IFT46: variants seen among roughly 807,000 people sequenced by gnomAD.
The protein encoded by IFT46 is intraflagellar transport protein 46 homolog.
IFT46 carries 19 observed loss-of-function variants against 39.6 expected under a neutral mutation model. The ratio of observed to expected loss-of-function variants is 0.48; its 90% CI spans 0.33 to 0.70. The LOEUF (loss-of-function observed/expected upper bound fraction) is 0.70. Ranked by LOEUF, IFT46 falls within the 30% of genes least tolerant of loss-of-function variation. IFT46 has a pLI of 0.01. For missense variants in IFT46, 334 were observed against 364.8 expected (o/e 0.92, Z 0.69); for synonymous variants, 117 against 134.8 (o/e 0.87, Z 0.91).
Position 118,554,451 on chromosome 11 carries a change from T to G in IFT46, c.483+8A>C. On this transcript the variant is annotated splice_region_variant and intron_variant, in intron 7 of 11. Coordinates refer to ENST00000264021, the MANE Select transcript of IFT46 (RefSeq NM_001168618.2). ...CCAGCTGGGGCCTATACTAAGCTAG[T>G]ATCTTACTGTGATGTTGTGCTGCTT... 6.2e-7 allele frequency: 1 copy of G among 1,600,236 alleles called. No homozygotes were observed. Among genetic ancestry groups the G allele is most frequent in the Non-Finnish European group, 8.5e-7 (1 of 1,175,288 alleles).
chr11:118,554,985 T>G lies in IFT46; in HGVS notation c.354+5A>C, dbSNP rs782775929. 1 of 1,594,450 alleles carries G rather than the reference T, an allele frequency of 6.3e-7. No homozygotes were observed. On this transcript the variant is annotated splice_donor_5th_base_variant and intron_variant, in intron 6 of 11. Transcript: ENST00000264021. ...GGAGTCATTTTCAGGATGTACTGAC[T>G]ATACCTTTAAGAATGCATCAATATC...
chr11:118,561,043 T>C (rs1938039943), intron 2 of IFT46: 1 of 1,529,134 alleles, frequency 6.5e-7, no homozygotes, highest in Non-Finnish European at 8.9e-7. Context: ...ACAAGATCTA[T>C]GAAGGCCAAG....
chr11:118,552,378 G>C (rs1937673051), intron 7 of IFT46, 43 bp from the exon 8 acceptor site: 1 of 1,607,358 alleles, frequency 6.2e-7, no homozygotes, highest in East Asian at 2.2e-5. Flanking sequence ...CACTGAAGTA[G>C]CTCTCTTGTT....
chr11:118,545,366 G>T, intron 11 of IFT46, 43 bp downstream of exon 11: 1 of 1,364,854 alleles, frequency 7.3e-7, no homozygotes, highest in Non-Finnish European at 1.0e-6. Flanking sequence ...AAACTATAGT[G>T]ATCCTCTCTA....
At chr11:118,569,563 G>A (rs1161395865), upstream of IFT46, among the ~76,000 whole-genome samples, 1 of 152,084 alleles carries the variant, frequency 6.6e-6, no homozygotes, top group Non-Finnish European at 1.5e-5. Flanking sequence ...GAATTGATAC[G>A]GGTAAGAGCA....
chr11:118,552,395 G>A, intron 7 of IFT46, 60 bp from the exon 8 acceptor site: 1 of 1,592,584 alleles, frequency 6.3e-7, no homozygotes, highest in Non-Finnish European at 8.6e-7. Context: ...TGTTTTTACA[G>A]TGTCTCATTA....
At chr11:118,552,078 A>C (rs1442979057) in intron 8 of IFT46, 136 bp downstream of exon 8, 2 of 1,097,220 alleles carry the variant, frequency 1.8e-6, no homozygotes, top group Non-Finnish European at 2.7e-6. Flanking sequence ...AATCTCAGCC[A>C]GTAGTTGCCA....
At position 118,572,452 on chromosome 11, in the gene IFT46, C is replaced by A; in HGVS notation, c.-133+144G>T. On this transcript the variant is annotated intron_variant, in intron 1 of 5. Coordinates refer to the IFT46 transcript ENST00000528378. ...GCGGCAGCGGTTCCTGTCAAGGGGGCAGCAGGTCCAGAGCTGCTGGTGCTC... is the reference window on the plus strand; with the variant it reads ...GCGGCAGCGGTTCCTGTCAAGGGGGAAGCAGGTCCAGAGCTGCTGGTGCTC... The A allele has an allele frequency of 2.3e-6, 3 of 1,318,530 alleles. No homozygotes were observed. The Admixed American group carries it at 6.6e-5, about 29-fold the overall frequency. 81.7% of individuals were successfully genotyped at this position (1,318,530 alleles called of 1,614,324 possible). A position where few individuals can be genotyped will look rare whatever the true frequency, so the allele number is the denominator to read the frequency against.
exon 1 of IFT46, chr11:118,572,640 C>G (rs1555072663): frequency 8.5e-6 from 13 of 1,527,450 alleles, no homozygotes; most frequent in African/African-American, 1.4e-5. Context: ...CGGAGGAGCC[C>G]CGCCCTGAGG....
In IFT46 at chr11:118,565,015, T is replaced by C. The variant is rs1938178899; in HGVS notation, c.-86A>G. ...AATACTTGCAACCTCTTCGGAGTCG[T>C]TAATCTCTAGACGCTCATCATATGT... On this transcript the variant is annotated 5_prime_UTR_variant, in exon 2 of 12. Coordinates refer to ENST00000264021, the MANE Select transcript of IFT46 (RefSeq NM_001168618.2). The C allele has an allele frequency of 6.6e-6, 1 of 152,648 alleles. No homozygotes were observed. The highest frequency in any genetic ancestry group is 2.4e-5 in the African/African-American group (1 of 41,436). 9.5% of individuals were successfully genotyped at this position (152,648 alleles called of 1,614,324 possible).
At chr11:118,561,566 G>A (rs1240742464) in intron 2 of IFT46, 14 of 649,552 alleles carry the variant, frequency 2.2e-5, no homozygotes, top group African/African-American at 7.3e-5. Flanking sequence ...TCAGGAGCAG[G>A]CTGCTGAGAG....
At chr11:118,557,521 G>T in intron 3 of IFT46, 1 of 571,836 alleles carries the variant, frequency 1.7e-6, no homozygotes, top group Non-Finnish European at 3.0e-6. Context: ...TAAGCTGCTT[G>T]AAACTATCAA....
chr11:118,548,131 C>T (rs1241469051), intron 9 of IFT46, among the ~76,000 whole-genome samples: 1 of 150,430 alleles, frequency 6.6e-6, no homozygotes, highest in Non-Finnish European at 1.5e-5. Flanking sequence ...GATCATCCCA[C>T]CTCAGCCTCC....
Position 118,544,771 on chromosome 11 carries a change from C to G in IFT46, c.*145G>C. 4.7e-6 allele frequency: 3 copies of G among 638,474 alleles called. No individual in the cohort carries two copies. The allele number at this position is 638,474 out of a possible 1,614,324, so 39.6% of individuals were successfully genotyped here. A position where few individuals can be genotyped will look rare whatever the true frequency, so the allele number is the denominator to read the frequency against. On this transcript the variant is annotated 3_prime_UTR_variant, in exon 12 of 12. Transcript: ENST00000264021. ...ATTAAACAAACATGTTCTGTGCCCT[C>G]TGGCAGAGAGGGCAGCAGGACATGC...
chr11:118,557,385 G>A (rs1937877404), intron 3 of IFT46: 1 of 395,072 alleles, frequency 2.5e-6, no homozygotes, highest in South Asian at 3.9e-5. Flanking sequence ...AGAAGAGGAT[G>A]GCAACTCTAG....
upstream of IFT46, chr11:118,573,753 T>C (rs1555072919): frequency 7.5e-6 from 5 of 667,086 alleles, no homozygotes; most frequent in East Asian, 1.1e-4. Flanking sequence ...GCTTGGACTT[T>C]AGGCCACTGA....
chr11:118,555,271 C>T lies in IFT46; in HGVS notation c.237G>A (p.Lys79=), dbSNP rs1041354477. 1 of 1,614,054 alleles carries T rather than the reference C, an allele frequency of 6.2e-7. No individual in the cohort carries two copies. Among genetic ancestry groups the T allele is most frequent in the Non-Finnish European group, 8.5e-7 (1 of 1,179,962 alleles). The change falls in exon 5 of 12, where the codon AAG becomes AAA. Residue 79 remains lysine, a synonymous_variant. Coordinates refer to ENST00000264021, the MANE Select transcript of IFT46 (RefSeq NM_001168618.2). ...ACCTACTGATGTACTGGAAGAGTTC[C>T]TTAATTTCAGCAGAAACTGGCAAAT... is the stretch of plus-strand genomic sequence containing the variant. ...YEHLPVSAEI[K]ELFQYISRYT...
rs936996895 is a variant in IFT46 at position 118,565,896 on chromosome 11, G to C, written c.-239C>G. ...AGGCCACTTTAGGATTCCACGCCAA[G>C]CAACCAGCCTGTTGTCAGTCGCTAG... On this transcript the variant is annotated 5_prime_UTR_variant, in exon 1 of 12. Transcript: ENST00000264021. The C allele has an allele frequency of 1.3e-5, 2 of 152,598 alleles. No homozygotes were observed. Among genetic ancestry groups the C allele is most frequent in the African/African-American group, 4.8e-5 (2 of 41,430 alleles). 9.5% of individuals were successfully genotyped at this position (152,598 alleles called of 1,614,324 possible). A position where few individuals can be genotyped will look rare whatever the true frequency, so the allele number is the denominator to read the frequency against.
intron 3 of IFT46, chr11:118,557,925 G>T: frequency 6.5e-7 from 1 of 1,538,476 alleles, no homozygotes; most frequent in Non-Finnish European, 8.7e-7. Context: ...TTTAAAAGTA[G>T]GTTTTCAAAA....
Sources: gnomAD v4.1 joint callset for allele counts (sites outside exome capture counted in the v4.1 genomes callset) on GRCh38, gnomAD v4.1.1 for gene constraint, MANE v1.5 for transcripts, NCBI Gene and HGNC (gene_info 2026-07-23, HGNC 2026-07-21) for gene names.